The following SCGB2B2 variants were observed in gnomAD, a reference collection of about 807,000 sequenced individuals.
SCGB2B2 encodes secretoglobin-like protein.
Under a neutral mutation model 7.6 loss-of-function variants are expected in SCGB2B2, and 11 were observed. The observed-to-expected ratio is 1.45, with a 90% CI of 0.91 to 2.40. The LOEUF (loss-of-function observed/expected upper bound fraction) is 2.40, where lower values mean the gene tolerates loss of function less well. SCGB2B2 is among the 30% of genes most tolerant of loss of function. The pLI is 0.00. For synonymous variants in SCGB2B2, 50 were observed against 48.6 expected (o/e 1.03, Z -0.12); for missense variants, 104 against 115.4 (o/e 0.90, Z 0.45).
rs73043914 is a variant in SCGB2B2, at chr19:34,655,538, C to G, written c.-2032+20092G>C. 2.0e-5 allele frequency among the ~76,000 whole-genome samples: 3 copies of G among 151,110 alleles called. 1 individual carries two copies. Among genetic ancestry groups the G allele is most frequent in the African/African-American group, 7.4e-5 (3 of 40,452 alleles). ...AGATGGAACCAATGTAAATCTTACA[C>G]GCACTGATTGATGTATTATGTCTCC... On this transcript the variant is annotated intron_variant, in intron 1 of 3. Coordinates refer to ENST00000601241, the MANE Select transcript of SCGB2B2 (RefSeq NM_001025591.4).
rs893416864 is a variant in SCGB2B2, at chr19:34,593,009, T to C, written c.*546A>G. On this transcript the variant is annotated 3_prime_UTR_variant, in exon 4 of 4. Coordinates refer to ENST00000601241, the MANE Select transcript of SCGB2B2 (RefSeq NM_001025591.4). The stretch of plus-strand genomic sequence containing the variant: ...GTAGGGATGGAGAAGTGTGTTAAGG[T>C]TGATTTCCTGGGTTCCGAAAACAGG... Among the ~76,000 whole-genome samples, 2 of 151,972 alleles carry C rather than the reference T, an allele frequency of 1.3e-5. No homozygotes were observed. The highest frequency in any genetic ancestry group is 4.8e-5 in the African/African-American group (2 of 41,346).
At chr19:34,653,553 C>T (rs1337128188) in intron 1 of SCGB2B2, among the ~76,000 whole-genome samples, 1 of 150,914 alleles carries the variant, frequency 6.6e-6, no homozygotes, top group African/African-American at 2.5e-5. Flanking sequence ...AGTCTAATAT[C>T]CACAATTAAA....
intron 1 of SCGB2B2, among the ~76,000 whole-genome samples, chr19:34,621,530 G>C (rs1002215710): frequency 2.0e-5 from 3 of 147,892 alleles, no homozygotes; most frequent in Non-Finnish European, 3.0e-5. Flanking sequence ...AGACAAAGTG[G>C]AGAAAAGTAA....
At chr19:34,617,644 G>A (rs1337254255) in intron 1 of SCGB2B2, among the ~76,000 whole-genome samples, 1 of 152,190 alleles carries the variant, frequency 6.6e-6, no homozygotes, top group Non-Finnish European at 1.5e-5. Context: ...GGGACAATTT[G>A]ACTTCCTCTT....
At position 34,642,714 on chromosome 19, in the gene SCGB2B2, C is replaced by CAAAAAAAAAAAA. The variant is rs55922005; in HGVS notation, c.-2032+32904_-2032+32915dup. The stretch of plus-strand genomic sequence containing the variant: ...TGGGCGACAGAGCAAGACTCCGTCT[C>CAAAAAAAAAAAA]AAAAAAAAAAAAAAAAAAAAAAAAA... On this transcript the variant is annotated intron_variant, in intron 1 of 3. Coordinates refer to ENST00000601241, the MANE Select transcript of SCGB2B2 (RefSeq NM_001025591.4). Among the ~76,000 whole-genome samples the CAAAAAAAAAAAA allele has an allele frequency of 1.2e-3, 49 of 39,870 alleles. 5 individuals carry two copies. Among genetic ancestry groups the CAAAAAAAAAAAA allele is most frequent in the Non-Finnish European group, 1.6e-3 (39 of 23,900 alleles). 26.2% of individuals were successfully genotyped at this position (39,870 alleles called of 152,430 possible). A position where few individuals can be genotyped will look rare whatever the true frequency, so the allele number is the denominator to read the frequency against.
chr19:34,587,988 CTTTG>C (rs1409648793), downstream of SCGB2B2, among the ~76,000 whole-genome samples: 1 of 152,130 alleles, frequency 6.6e-6, no homozygotes, highest in Admixed American at 6.5e-5. Flanking sequence ...CTATAGTTTT[CTTTG>C]TTGTTGTGTC....
In SCGB2B2 at chr19:34,651,687, G is replaced by A. The variant is rs541606986; in HGVS notation, c.-2032+23943C>T. Among the ~76,000 whole-genome samples the A allele has an allele frequency of 4.0e-5, 6 of 151,274 alleles. No homozygotes were observed. The South Asian group carries it at 1.2e-3, about 31-fold the overall frequency. ...TCATAATTAGAAGGATCACTATTGT[G>A]AAAATGACCATGTTACCAAAAGTGA... is the stretch of plus-strand genomic sequence containing the variant. On this transcript the variant is annotated intron_variant, in intron 1 of 3. Transcript: ENST00000601241.
chr19:34,641,913 A>G (rs1310483922), intron 1 of SCGB2B2, among the ~76,000 whole-genome samples: 1 of 152,192 alleles, frequency 6.6e-6, no homozygotes, highest in Non-Finnish European at 1.5e-5. Context: ...GTACACATTA[A>G]ATAAATTTGA....
At chr19:34,587,984 T>C (rs1020206337), downstream of SCGB2B2, among the ~76,000 whole-genome samples, 10 of 152,140 alleles carry the variant, frequency 6.6e-5, no homozygotes, top group African/African-American at 2.4e-4. Flanking sequence ...TGGCCTATAG[T>C]TTTCTTTGTT....
At chr19:34,614,484 T>C (rs1375568550) in intron 1 of SCGB2B2, among the ~76,000 whole-genome samples, 2 of 152,196 alleles carry the variant, frequency 1.3e-5, no homozygotes, top group South Asian at 2.1e-4. Context: ...CCTATCGCTA[T>C]TGAATTTCTG....
intron 1 of SCGB2B2, among the ~76,000 whole-genome samples, chr19:34,631,150 A>G (rs1156945583): frequency 1.3e-5 from 2 of 151,686 alleles, no homozygotes; most frequent in East Asian, 3.9e-4. Flanking sequence ...GCATTAGTAG[A>G]TATACCTAAT....
intron 1 of SCGB2B2, among the ~76,000 whole-genome samples, chr19:34,614,027 G>A (rs879784732): frequency 4.6e-5 from 7 of 152,088 alleles, no homozygotes; most frequent in East Asian, 1.9e-4. Flanking sequence ...GTGACTTGAC[G>A]CTTTTGCTGT....
chr19:34,660,626 A>T (rs1441326170), intron 1 of SCGB2B2, among the ~76,000 whole-genome samples: 1 of 152,242 alleles, frequency 6.6e-6, no homozygotes, highest in Non-Finnish European at 1.5e-5. Context: ...AGGAAACAAC[A>T]GATGTTGGAG....
At chr19:34,671,951 G>A (rs931980263) in intron 1 of SCGB2B2, among the ~76,000 whole-genome samples, 2 of 152,056 alleles carry the variant, frequency 1.3e-5, no homozygotes, top group African/African-American at 4.8e-5. Context: ...TGTATTGGAA[G>A]ATTATTCATA....
chr19:34,630,144 T>G (rs78397212), intron 1 of SCGB2B2, among the ~76,000 whole-genome samples: 46,075 of 151,178 alleles, frequency 0.3, 8,130 homozygotes, highest in Middle Eastern at 0.47. Flanking sequence ...ACCTTAGACC[T>G]AAAACCATAA....
chr19:34,650,620 C>G (rs1453466672), intron 1 of SCGB2B2, among the ~76,000 whole-genome samples: 1 of 151,272 alleles, frequency 6.6e-6, no homozygotes, highest in African/African-American at 2.5e-5. Flanking sequence ...TAAAATATCT[C>G]CTATCACAGA....
Position 34,676,563 on chromosome 19 carries a change from T to C in SCGB2B2, c.-2965A>G, listed in dbSNP as rs1441254378. ...TGCTGCTCTAACAATGGAGTACCCA[T>C]TGTTTCTTTACTTTCTTAATACACT... On this transcript the variant is annotated 5_prime_UTR_variant, in exon 1 of 4. It removes an upstream start codon present in the reference 5' UTR. Coordinates refer to ENST00000601241, the MANE Select transcript of SCGB2B2 (RefSeq NM_001025591.4). The C allele has an allele frequency of 6.6e-6, 1 of 152,120 alleles. No homozygotes were observed. Among genetic ancestry groups the C allele is most frequent in the Non-Finnish European group, 1.5e-5 (1 of 68,000 alleles). 9.4% of individuals were successfully genotyped at this position (152,120 alleles called of 1,614,324 possible).
chr19:34,636,939 A>C (rs565105263), intron 1 of SCGB2B2, among the ~76,000 whole-genome samples: 1 of 152,148 alleles, frequency 6.6e-6, no homozygotes, highest in Non-Finnish European at 1.5e-5. Flanking sequence ...TGCAAGGCCT[A>C]AGGGAAAGAC....
At chr19:34,675,590 A>C (rs2085464) in intron 1 of SCGB2B2, 40 bp downstream of exon 1, 1 of 152,214 alleles carries the variant, frequency 6.6e-6, no homozygotes, top group Non-Finnish European at 1.5e-5. Flanking sequence ...TAAAGAAGCC[A>C]GCCAAAACCC....
Sources: gnomAD v4.1 joint callset for allele counts (sites outside exome capture counted in the v4.1 genomes callset) on GRCh38, gnomAD v4.1.1 for gene constraint, MANE v1.5 for transcripts, NCBI Gene and HGNC (gene_info 2026-07-23, HGNC 2026-07-21) for gene names.